The following TNIK variants were observed in gnomAD, a reference collection of about 807,000 sequenced individuals.
TNIK encodes TRAF2 and NCK interacting kinase.
A neutral mutation model predicts 191.3 loss-of-function variants in TNIK; 49 were observed. That is an observed-to-expected ratio of 0.26 (90% confidence interval 0.20 to 0.32). TNIK has a LOEUF of 0.32. Among genes scored for constraint, TNIK ranks in the 10% least tolerant of loss-of-function variants. The pLI, the probability that TNIK is intolerant of heterozygous loss-of-function variation, is 1.00. For synonymous variants in TNIK, 594 were observed against 600.9 expected (o/e 0.99, Z 0.17); for missense variants, 1,155 against 1,702.3 (o/e 0.68, Z 5.66).
intron 3 of TNIK, among the ~76,000 whole-genome samples, chr3:171,222,552 AGAACCAAATGTACTTG>A (rs1742484812): frequency 6.6e-6 from 1 of 152,174 alleles, no homozygotes; most frequent in South Asian, 2.1e-4. Flanking sequence ...TTGGGATGAA[AGAACCAAATGTACTTG>A]GAACAATGTG....
At chr3:171,110,638 A>C in intron 19 of TNIK, 76 bp downstream of exon 19, 1 of 1,481,940 alleles carries the variant, frequency 6.7e-7, no homozygotes. Flanking sequence ...AGAGTCAGGA[A>C]GTAACTAACC....
chr3:171,297,575 C>T (rs1022386976), intron 2 of TNIK, among the ~76,000 whole-genome samples: 2 of 152,036 alleles, frequency 1.3e-5, no homozygotes, highest in Non-Finnish European at 2.9e-5. Context: ...TAATTATATC[C>T]CAACAAAATA....
At chr3:171,281,270 T>C (rs918047501) in intron 2 of TNIK, among the ~76,000 whole-genome samples, 1 of 152,108 alleles carries the variant, frequency 6.6e-6, no homozygotes, top group Non-Finnish European at 1.5e-5. Context: ...CCCTTTCTCA[T>C]ATAAAAAACC....
At chr3:171,289,322 A>G (rs535417552) in intron 2 of TNIK, among the ~76,000 whole-genome samples, 14 of 152,358 alleles carry the variant, frequency 9.2e-5, no homozygotes, top group Middle Eastern at 6.8e-3. Flanking sequence ...TCATACCTTT[A>G]AAAGGCTATG....
intron 15 of TNIK, among the ~76,000 whole-genome samples, chr3:171,133,144 G>A (rs1729540044): frequency 6.6e-6 from 1 of 152,208 alleles, no homozygotes; most frequent in Admixed American, 6.5e-5. Flanking sequence ...CATAAGGAAT[G>A]CTTAAGATGC....
At chr3:171,089,258 A>G (rs1721748792) in intron 23 of TNIK, among the ~76,000 whole-genome samples, 1 of 152,178 alleles carries the variant, frequency 6.6e-6, no homozygotes, top group South Asian at 2.1e-4. Context: ...AGTAGCGTGT[A>G]TTAGTGCCTA....
chr3:171,351,405 ATCT>A (rs1713182586), intron 2 of TNIK, among the ~76,000 whole-genome samples: 1 of 152,060 alleles, frequency 6.6e-6, no homozygotes, highest in Non-Finnish European at 1.5e-5. Context: ...GTCATCTTAG[ATCT>A]TCTATATAAT....
chr3:171,402,667 AC>A (rs2108578889), intron 1 of TNIK, among the ~76,000 whole-genome samples: 1 of 152,350 alleles, frequency 6.6e-6, no homozygotes, highest in African/African-American at 2.4e-5. Context: ...CTTCAAAAAA[AC>A]ATCCTTAACT....
chr3:171,332,534 C>T (rs1756512985), intron 2 of TNIK, among the ~76,000 whole-genome samples: 1 of 152,202 alleles, frequency 6.6e-6, no homozygotes, highest in Admixed American at 6.5e-5. Flanking sequence ...GCTTCACACA[C>T]CACGGCACTT....
chr3:171,173,658 C>T (rs1051429588), intron 9 of TNIK, among the ~76,000 whole-genome samples: 12 of 152,050 alleles, frequency 7.9e-5, no homozygotes, highest in Non-Finnish European at 2.9e-5. Context: ...GGGTATATGA[C>T]CATAGTGTGA....
rs1189671171 is a variant in TNIK, at chr3:171,062,246, C to G, written c.*1635G>C. On this transcript the variant is annotated 3_prime_UTR_variant, in exon 33 of 33. Transcript: ENST00000436636. ...ACATTAGTTTTTGTCATTGGATTCC[C>G]CCCACTTCCAATTTTTTAAGAAGAA... The G allele has an allele frequency of 2.0e-5, 3 of 152,036 alleles. No homozygotes were observed. The highest frequency in any genetic ancestry group is 7.2e-5 in the African/African-American group (3 of 41,386). The allele number at this position is 152,036 out of a possible 1,614,324, so 9.4% of individuals were successfully genotyped here. A position where few individuals can be genotyped will look rare whatever the true frequency, so the allele number is the denominator to read the frequency against.
intron 2 of TNIK, among the ~76,000 whole-genome samples, chr3:171,358,651 C>T (rs370886938): frequency 5.7e-4 from 87 of 152,248 alleles, no homozygotes; most frequent in African/African-American, 2.0e-3. Flanking sequence ...TGAGAAGGAT[C>T]GTTTTATTTA....
rs1313910252 is a variant in TNIK, at chr3:171,366,690, G to C, written c.123+2930C>G. On this transcript the variant is annotated intron_variant, in intron 2 of 32. Coordinates refer to ENST00000436636, the MANE Select transcript of TNIK (RefSeq NM_015028.4). The surrounding 1 kb of genome is among the most constrained non-coding windows in gnomAD (Gnocchi z 4.1). ...TATGAAAACCAGGAATGCCAAAAGA[G>C]AGACTTTAAAAATTAAAATCAAAGG... is the stretch of plus-strand genomic sequence containing the variant. 6.6e-6 allele frequency among the ~76,000 whole-genome samples: 1 copy of C among 152,128 alleles called. No homozygotes were observed. Among genetic ancestry groups the C allele is most frequent in the African/African-American group, 2.4e-5 (1 of 41,428 alleles).
intron 2 of TNIK, among the ~76,000 whole-genome samples, chr3:171,323,942 C>T (rs1392539407): frequency 6.6e-6 from 1 of 152,084 alleles, no homozygotes; most frequent in Non-Finnish European, 1.5e-5. Flanking sequence ...CTTAGTGTTT[C>T]TAATCCAACT....
intron 2 of TNIK, chr3:171,347,068 G>C: frequency 7.0e-7 from 1 of 1,423,804 alleles, no homozygotes; most frequent in Non-Finnish European, 9.4e-7. Context: ...GACAGTGGTG[G>C]CAGAGACAGA....
chr3:171,109,763 A>AT (rs1312602125), intron 19 of TNIK, among the ~76,000 whole-genome samples: 2 of 152,228 alleles, frequency 1.3e-5, no homozygotes, highest in African/African-American at 4.8e-5. Context: ...GCTAGAAACA[A>AT]TGTATTATTA....
chr3:171,164,654 G>A (rs148500204), intron 10 of TNIK, among the ~76,000 whole-genome samples: 14 of 152,256 alleles, frequency 9.2e-5, no homozygotes, highest in East Asian at 7.7e-4. Context: ...TATATTCACC[G>A]TATAATAAAA....
intron 12 of TNIK, among the ~76,000 whole-genome samples, chr3:171,156,632 G>A (rs1360943159): frequency 6.6e-6 from 1 of 152,228 alleles, no homozygotes; most frequent in Non-Finnish European, 1.5e-5. Context: ...TTCTGGGAAG[G>A]AGGCTTTAAC....
At chr3:171,290,455 T>C (rs1256237928) in intron 2 of TNIK, among the ~76,000 whole-genome samples, 2 of 152,286 alleles carry the variant, frequency 1.3e-5, no homozygotes, top group East Asian at 3.9e-4. Context: ...AAATGACATA[T>C]CACATGTTAA....
Sources: allele counts gnomAD v4.1 joint callset (sites outside exome capture counted in the v4.1 genomes callset), GRCh38; gene constraint gnomAD v4.1.1; non-coding constraint Gnocchi (gnomAD v3.1); transcripts MANE v1.5; gene names NCBI Gene and HGNC (gene_info 2026-07-23, HGNC 2026-07-21).